NPFFR2: variants seen among roughly 807,000 people sequenced by gnomAD.
The protein encoded by NPFFR2 is neuropeptide FF receptor 2.
In NPFFR2, 15 loss-of-function variants were observed where a neutral mutation model predicts 13.1. That is an observed-to-expected ratio of 1.15 (90% confidence interval 0.77 to 1.76). NPFFR2 has a LOEUF of 1.76. NPFFR2 is among the 40% of genes most tolerant of loss of function. The probability of loss-of-function intolerance (pLI) is 0.00; values close to 1 mark genes in which losing one functional copy is unlikely to be tolerated. For synonymous variants in NPFFR2, 190 were observed against 175.7 expected (o/e 1.08, Z -0.65); for missense variants, 572 against 503.5 (o/e 1.14, Z -1.30).
chr4:72,097,756 G>A (rs11734945), intron 1 of NPFFR2, among the ~76,000 whole-genome samples: 7,098 of 152,190 alleles, frequency 0.047, 229 homozygotes, highest in Non-Finnish European at 0.072. Flanking sequence ...TCTAATAAAT[G>A]TTTAGCTTTT....
chr4:72,045,620 C>A (rs572102778), intron 1 of NPFFR2, among the ~76,000 whole-genome samples: 2 of 152,160 alleles, frequency 1.3e-5, no homozygotes, highest in African/African-American at 4.8e-5. Flanking sequence ...GTAGCTTAGC[C>A]TAGCCTACCA....
intron 1 of NPFFR2, among the ~76,000 whole-genome samples, chr4:72,071,310 G>A (rs1362977770): frequency 6.6e-6 from 1 of 152,110 alleles, no homozygotes; most frequent in African/African-American, 2.4e-5. Flanking sequence ...TAATTACTAA[G>A]GTCAGAGGTA....
chr4:72,128,060 C>T (rs183675728), intron 1 of NPFFR2, among the ~76,000 whole-genome samples: 2 of 152,244 alleles, frequency 1.3e-5, no homozygotes, highest in East Asian at 3.9e-4. Context: ...ATCCAGGTGA[C>T]AGAGTGAAAC....
chr4:72,112,942 G>A (rs1255459913), intron 1 of NPFFR2, among the ~76,000 whole-genome samples: 1 of 152,036 alleles, frequency 6.6e-6, no homozygotes, highest in Admixed American at 6.6e-5. Context: ...CTGGGGATTA[G>A]CCTTCAACTT....
chr4:72,094,884 A>G (rs1002450093), intron 1 of NPFFR2, among the ~76,000 whole-genome samples: 7 of 152,138 alleles, frequency 4.6e-5, no homozygotes, highest in African/African-American at 1.7e-4. Flanking sequence ...AAGGTTCACA[A>G]TTTGGGTCTC....
chr4:72,094,204 G>A (rs969164026), intron 1 of NPFFR2, among the ~76,000 whole-genome samples: 4 of 152,204 alleles, frequency 2.6e-5, no homozygotes, highest in Non-Finnish European at 5.9e-5. Flanking sequence ...TCTCTCAGCT[G>A]TGTATACTAA....
At chr4:72,041,136 C>T (rs985445740) in intron 1 of NPFFR2, among the ~76,000 whole-genome samples, 13 of 152,044 alleles carry the variant, frequency 8.6e-5, no homozygotes, top group African/African-American at 3.1e-4. Flanking sequence ...TTTTTCAACC[C>T]TTAATCCCTT....
At chr4:72,099,234 T>C (rs1721160449) in intron 1 of NPFFR2, among the ~76,000 whole-genome samples, 1 of 152,130 alleles carries the variant, frequency 6.6e-6, no homozygotes, top group African/African-American at 2.4e-5. Flanking sequence ...TCCTGATAAA[T>C]TGCTGTTTGT....
chr4:72,122,448 C>T (rs946793073), intron 1 of NPFFR2, among the ~76,000 whole-genome samples: 1 of 152,152 alleles, frequency 6.6e-6, no homozygotes, highest in South Asian at 2.1e-4. Context: ...AGAGACTATA[C>T]GTTCTTCTCA....
intron 1 of NPFFR2, among the ~76,000 whole-genome samples, chr4:72,083,397 G>A (rs1379337671): frequency 6.6e-6 from 1 of 152,156 alleles, no homozygotes; most frequent in African/African-American, 2.4e-5. Context: ...TAGATGTGAA[G>A]TAGTATTTCA....
At chr4:72,066,005 A>G (rs922962030) in intron 1 of NPFFR2, among the ~76,000 whole-genome samples, 1 of 152,200 alleles carries the variant, frequency 6.6e-6, no homozygotes, top group Admixed American at 6.5e-5. Context: ...CACCTGTCTT[A>G]GTTAATTTGT....
At chr4:72,139,106 G>GTTGT (rs201706683) in intron 3 of NPFFR2, among the ~76,000 whole-genome samples, 36,626 of 151,542 alleles carry the variant, frequency 0.24, 10,290 homozygotes, top group African/African-American at 0.65. Flanking sequence ...TTTTGATGGG[G>GTTGT]TTGTTTTTTT....
chr4:72,136,395 A>G lies in NPFFR2; in HGVS notation c.329-1645A>G, dbSNP rs532086661. Among the ~76,000 whole-genome samples, 21 of 152,092 alleles carry G rather than the reference A, an allele frequency of 1.4e-4. No homozygotes were observed. The East Asian group carries it at 4.1e-3, about 30-fold the overall frequency. On this transcript the variant is annotated intron_variant, in intron 2 of 3. Coordinates refer to ENST00000308744, the MANE Select transcript of NPFFR2 (RefSeq NM_004885.3). ...GAAACAAACAAACCAAAACAAAACA[A>G]AACACCACCAGAAAAAAAAAGACTA...
chr4:72,110,673 G>T (rs1185849930), intron 1 of NPFFR2, among the ~76,000 whole-genome samples: 2 of 151,950 alleles, frequency 1.3e-5, no homozygotes, highest in Non-Finnish European at 2.9e-5. Context: ...ATTAGGAATA[G>T]CTATTTTGCC....
chr4:72,076,976 T>G (rs1156511709), intron 1 of NPFFR2, among the ~76,000 whole-genome samples: 1 of 152,202 alleles, frequency 6.6e-6, no homozygotes, highest in Non-Finnish European at 1.5e-5. Flanking sequence ...ATTGTTCTTT[T>G]TTCTAAAAAG....
At position 72,147,045 on chromosome 4, in the gene NPFFR2, A is replaced by G; in HGVS notation, c.496A>G (p.Ile166Val). The change falls in exon 4 of 4, where the codon ATC (isoleucine) becomes GTC (valine). Residue 166 changes from isoleucine to valine, a missense_variant. Ile to Val is a conservative substitution (Grantham distance 29). Transcript: ENST00000308744. ...TIKTAFVIIMIIWVLAITIMS... is the reference protein window; with the variant it reads ...TIKTAFVIIMVIWVLAITIMS... ...CAAGACAGCGTTTGTCATTATTATG[A>G]TCATCTGGGTCCTAGCCATCACCAT... 6.2e-7 allele frequency: 1 copy of G among 1,614,112 alleles called. No homozygotes were observed. The highest frequency in any genetic ancestry group is 1.6e-4 in the Middle Eastern group (1 of 6,062).
chr4:72,032,499 G>T (rs1004814337), intron 1 of NPFFR2, among the ~76,000 whole-genome samples: 3 of 152,182 alleles, frequency 2.0e-5, no homozygotes, highest in African/African-American at 7.2e-5. Flanking sequence ...CCTCTCCGGG[G>T]CTGTATTGTG....
chr4:72,034,405 G>A (rs193142685), intron 1 of NPFFR2, among the ~76,000 whole-genome samples: 1 of 152,138 alleles, frequency 6.6e-6, no homozygotes, highest in Admixed American at 6.5e-5. Context: ...CAAGCCAAAG[G>A]GGGAAAAGCC....
chr4:72,130,555 T>G (rs1268946461), intron 2 of NPFFR2, among the ~76,000 whole-genome samples: 1 of 152,060 alleles, frequency 6.6e-6, no homozygotes, highest in African/African-American at 2.4e-5. Context: ...AAAAAAAATT[T>G]TATTGAGGTT....
Sources: allele counts gnomAD v4.1 joint callset (sites outside exome capture counted in the v4.1 genomes callset), GRCh38; gene constraint gnomAD v4.1.1; transcripts MANE v1.5; gene names NCBI Gene and HGNC (gene_info 2026-07-23, HGNC 2026-07-21).